The following KCNJ6 variants were observed in gnomAD, a reference collection of about 807,000 sequenced individuals.
The protein encoded by KCNJ6 is G protein-activated inward rectifier potassium channel 2.
Under a neutral mutation model 34.2 loss-of-function variants are expected in KCNJ6, and 9 were observed. The observed-to-expected ratio is 0.26, with a 90% CI of 0.16 to 0.46. KCNJ6 has a LOEUF of 0.46. Among genes scored for constraint, KCNJ6 ranks in the 20% least tolerant of loss-of-function variants. KCNJ6 has a pLI of 1.00. For missense variants in KCNJ6, 236 were observed against 531.3 expected, an observed-to-expected ratio of 0.44 and a Z score of 5.46; for synonymous variants, 196 against 207.1, an observed-to-expected ratio of 0.95 and a Z score of 0.46.
Position 37,893,632 on chromosome 21 carries a change from CT to C in KCNJ6, c.-28+22251del, listed in dbSNP as rs550634250. Among the ~76,000 whole-genome samples, 1,389 of 139,404 alleles carry C rather than the reference CT, an allele frequency of 1.0e-2. 3 individuals carry two copies. The highest frequency in any genetic ancestry group is 0.013 in the Non-Finnish European group (812 of 63,894). The allele number at this position is 139,404 out of a possible 152,430, so 91.5% of individuals were successfully genotyped here. ...CTCTCTCACCTACGGCTGGAGAAGC[CT>C]TTTTTTTTTTTTTTCCTCTGCCTTT... On this transcript the variant is annotated intron_variant, in intron 1 of 3. Coordinates refer to ENST00000609713, the MANE Select transcript of KCNJ6 (RefSeq NM_002240.5).
intron 3 of KCNJ6, among the ~76,000 whole-genome samples, chr21:37,647,027 CTG>C (rs2054408329): frequency 6.6e-6 from 1 of 152,178 alleles, no homozygotes; most frequent in Non-Finnish European, 1.5e-5. Context: ...TGGAAATAGA[CTG>C]TGTGTAGGGA....
chr21:37,766,134 T>C (rs1452227359), intron 2 of KCNJ6, among the ~76,000 whole-genome samples: 1 of 152,196 alleles, frequency 6.6e-6, no homozygotes, highest in Admixed American at 6.5e-5. Flanking sequence ...AACATGTTCA[T>C]GAATTTTGTA....
At chr21:37,689,239 C>T (rs940221655) in intron 3 of KCNJ6, among the ~76,000 whole-genome samples, 10 of 152,160 alleles carry the variant, frequency 6.6e-5, no homozygotes, top group African/African-American at 2.2e-4. Flanking sequence ...GAAAATGGTG[C>T]TCTCCACCCT....
chr21:37,703,371 T>G (rs1265177052), intron 3 of KCNJ6, among the ~76,000 whole-genome samples: 1 of 151,534 alleles, frequency 6.6e-6, no homozygotes, highest in Non-Finnish European at 1.5e-5. Flanking sequence ...GGCCCAGGTA[T>G]GTGGTGGAAA....
intron 2 of KCNJ6, among the ~76,000 whole-genome samples, chr21:37,836,579 G>A (rs9981140): frequency 0.056 from 8,525 of 152,218 alleles, 295 homozygotes; most frequent in Non-Finnish European, 0.073. Context: ...ATGAGTTCAC[G>A]TCCTTTGCAG....
intron 2 of KCNJ6, among the ~76,000 whole-genome samples, chr21:37,757,510 C>T (rs2055035190): frequency 6.6e-6 from 1 of 152,080 alleles, no homozygotes; most frequent in Non-Finnish European, 1.5e-5. Flanking sequence ...TGAGCACTCC[C>T]TCACAGTGTG....
intron 3 of KCNJ6, among the ~76,000 whole-genome samples, chr21:37,637,581 C>T (rs556400140): frequency 3.0e-4 from 46 of 152,258 alleles, no homozygotes; most frequent in African/African-American, 1.1e-3. Context: ...AAACAGTCTT[C>T]TCAGACAGAT....
chr21:37,863,988 G>C (rs2055609129), intron 1 of KCNJ6, among the ~76,000 whole-genome samples: 1 of 151,568 alleles, frequency 6.6e-6, no homozygotes, highest in Non-Finnish European at 1.5e-5. Flanking sequence ...CAGCTTTTCA[G>C]GCCAATGAGT....
At chr21:37,723,921 GATAGAAAACAA>G (rs2054840195) in intron 2 of KCNJ6, among the ~76,000 whole-genome samples, 1 of 151,066 alleles carries the variant, frequency 6.6e-6, no homozygotes, top group Non-Finnish European at 1.5e-5. Context: ...CAAATTGACT[GATAGAAAACAA>G]ATAAAAAAAA....
At chr21:37,707,735 G>GTGTGTATATGTGTGCATGTGTATCC (rs1267356647) in intron 3 of KCNJ6, among the ~76,000 whole-genome samples, 1 of 149,680 alleles carries the variant, frequency 6.7e-6, no homozygotes, top group African/African-American at 2.5e-5. Context: ...GTGTGTGTGT[G>GTGTGTATATGTGTGCATGTGTATCC]AATAATTTAC....
At chr21:37,692,718 A>T (rs1386080056) in intron 3 of KCNJ6, among the ~76,000 whole-genome samples, 1 of 152,304 alleles carries the variant, frequency 6.6e-6, no homozygotes, top group African/African-American at 2.4e-5. Flanking sequence ...AAAGAGACAT[A>T]GAATATTGAC....
intron 2 of KCNJ6, among the ~76,000 whole-genome samples, chr21:37,818,540 C>T (rs2055358700): frequency 6.6e-6 from 1 of 152,146 alleles, no homozygotes. Flanking sequence ...ACATCCCCTC[C>T]TCCCATGTCA....
intron 2 of KCNJ6, among the ~76,000 whole-genome samples, chr21:37,811,072 A>G (rs1381507014): frequency 6.6e-6 from 1 of 152,164 alleles, no homozygotes; most frequent in Non-Finnish European, 1.5e-5. Flanking sequence ...GATTGAGTTA[A>G]TAATCAATCA....
chr21:37,708,674 C>T (rs911764972), intron 3 of KCNJ6, among the ~76,000 whole-genome samples: 1 of 152,152 alleles, frequency 6.6e-6, no homozygotes, highest in South Asian at 2.1e-4. Context: ...TCAGAGCTCA[C>T]CAATTAACTC....
At chr21:37,636,602 T>G (rs1288785908) in intron 3 of KCNJ6, among the ~76,000 whole-genome samples, 1 of 151,832 alleles carries the variant, frequency 6.6e-6, no homozygotes, top group Non-Finnish European at 1.5e-5. Context: ...GGGAAGGGAG[T>G]GCGTGTTACG....
At chr21:37,711,460 G>A (rs948912408) in intron 3 of KCNJ6, among the ~76,000 whole-genome samples, 4 of 152,146 alleles carry the variant, frequency 2.6e-5, no homozygotes, top group South Asian at 4.1e-4. Context: ...AGTGATGAGC[G>A]CAGGGGAAGC....
chr21:37,643,408 G>A (rs1448238277), intron 3 of KCNJ6, among the ~76,000 whole-genome samples: 1 of 152,198 alleles, frequency 6.6e-6, no homozygotes, highest in Non-Finnish European at 1.5e-5. Context: ...TGGTAAGAGT[G>A]AGTGCAGTGG....
chr21:37,661,362 T>A (rs924958495), intron 3 of KCNJ6, among the ~76,000 whole-genome samples: 1 of 152,190 alleles, frequency 6.6e-6, no homozygotes, highest in Non-Finnish European at 1.5e-5. Context: ...TTTCCATGAT[T>A]AATCAGCACG....
chr21:37,660,818 A>T (rs1019606435), intron 3 of KCNJ6, among the ~76,000 whole-genome samples: 4 of 152,190 alleles, frequency 2.6e-5, no homozygotes, highest in African/African-American at 9.6e-5. Flanking sequence ...GACACCGCTA[A>T]TCTTGGTAAG....
Sources: gnomAD v4.1 joint callset for allele counts (sites outside exome capture counted in the v4.1 genomes callset) on GRCh38, gnomAD v4.1.1 for gene constraint, MANE v1.5 for transcripts, NCBI Gene and HGNC (gene_info 2026-07-23, HGNC 2026-07-21) for gene names.